LAMA5: variants seen among roughly 807,000 people sequenced by gnomAD.
LAMA5 encodes the protein laminin subunit alpha 5, also known as laminin subunit alpha-5.
Under a neutral mutation model 433.4 loss-of-function variants are expected in LAMA5, and 260 were observed. That is an observed-to-expected ratio of 0.60 (90% CI 0.54 to 0.66). The LOEUF (loss-of-function observed/expected upper bound fraction) is 0.66, where lower values mean the gene tolerates loss of function less well. Ranked by LOEUF, LAMA5 falls within the 30% of genes least tolerant of loss-of-function variation. The pLI is 0.00. For synonymous variants in LAMA5, 2,620 were observed against 2,226.6 expected, an observed-to-expected ratio of 1.18 and a Z score of -4.97; for missense variants, 5,378 against 5,258.5, an observed-to-expected ratio of 1.02 and a Z score of -0.70.
chr20:62,347,774 C>G (rs912374019), intron 6 of LAMA5, among the ~76,000 whole-genome samples: 1 of 152,202 alleles, frequency 6.6e-6, no homozygotes, highest in Non-Finnish European at 1.5e-5. Flanking sequence ...CAGGGCCGTG[C>G]GTTCCCTGAG....
intron 56 of LAMA5, 45 bp from the exon 57 acceptor site, chr20:62,316,818 G>A (rs780801490): frequency 1.2e-5 from 19 of 1,558,348 alleles, no homozygotes; most frequent in Middle Eastern, 3.9e-4. Flanking sequence ...GCAGGCCGGG[G>A]CTGCGGGAGG....
At chr20:62,330,976 G>T in intron 29 of LAMA5, 32 bp from the exon 30 acceptor site, 1 of 1,561,644 alleles carries the variant, frequency 6.4e-7, no homozygotes. Context: ...AGTCAGAGCC[G>T]GCCCTGCCGC....
At position 62,337,881 on chromosome 20, in the gene LAMA5, C is replaced by T; in HGVS notation, c.1949G>A (p.Cys650Tyr). The T allele has an allele frequency of 6.2e-7, 1 of 1,612,300 alleles. No individual in the cohort carries two copies. The highest frequency in any genetic ancestry group is 8.5e-7 in the Non-Finnish European group (1 of 1,179,770). Residue 650 changes from cysteine (C) to tyrosine (Y), a missense_variant, in exon 15 of 80, where the codon TGC becomes TAC. Coordinates refer to ENST00000252999, the MANE Select transcript of LAMA5 (RefSeq NM_005560.6). ...LDQLCGAGGL[C>Y]RCRPGYTGTA... Reference sequence around the variant, plus strand: ...GCCTGTGTAGCCGGGGCGGCAGCGGCACAAACCTCCCGCCCCACAGAGCTG... The same window carrying T: ...GCCTGTGTAGCCGGGGCGGCAGCGGTACAAACCTCCCGCCCCACAGAGCTG...
Position 62,323,820 on chromosome 20 carries a change from G to T in LAMA5, c.5805C>A (p.Thr1935=), listed in dbSNP as rs753626137. ...CATAACCAGGTTTGCAGAGGCACTG[G>T]GTGCGGCCGCCTCGCAGGACACAGC... ...AEGCVLRGGR[T]QCLCKPGYAG... The change falls in exon 44 of 80, where the codon ACC becomes ACA. Residue 1935 remains threonine, a synonymous_variant. Transcript: ENST00000252999. 3.5e-5 allele frequency: 56 copies of T among 1,610,326 alleles called. No homozygotes were observed. The highest frequency in any genetic ancestry group is 1.7e-6 in the Non-Finnish European group (2 of 1,178,918).
At chr20:62,319,256 CT>C in intron 51 of LAMA5, 1 of 557,442 alleles carries the variant, frequency 1.8e-6, no homozygotes. Flanking sequence ...GCTTCTGAGC[CT>C]TCTCGTCCTG....
At chr20:62,338,780 T>A (rs894718956) in intron 11 of LAMA5, among the ~76,000 whole-genome samples, 172 bp from the exon 12 acceptor site, 3 of 152,218 alleles carry the variant, frequency 2.0e-5, no homozygotes, top group African/African-American at 7.2e-5. Flanking sequence ...GGCTCACGCC[T>A]GTAATCCCAG....
chr20:62,340,760 C>T (rs982803340), intron 11 of LAMA5, among the ~76,000 whole-genome samples: 2 of 151,760 alleles, frequency 1.3e-5, no homozygotes, highest in Admixed American at 6.6e-5. Context: ...AACTGCCAGG[C>T]GCAGTGGCTC....
At chr20:62,315,535 G>A (rs1307625080) in intron 58 of LAMA5, among the ~76,000 whole-genome samples, 1 of 152,078 alleles carries the variant, frequency 6.6e-6, no homozygotes, top group African/African-American at 2.4e-5. Flanking sequence ...CTCAGAAACT[G>A]GGTGAGGCAC....
rs1333702072 is a variant in LAMA5, at chr20:62,327,685, C to A, written c.4798-16G>T. The stretch of plus-strand genomic sequence containing the variant: ...GCACGTTCTCCTAGGGATGAGAGGA[C>A]AGTGAGAGTGGTCGGCAGGTGCCAG... On this transcript the variant is annotated splice_polypyrimidine_tract_variant and intron_variant, in intron 36 of 79. Coordinates refer to ENST00000252999, the MANE Select transcript of LAMA5 (RefSeq NM_005560.6). 6.2e-7 allele frequency: 1 copy of A among 1,609,506 alleles called. No homozygotes were observed. Among genetic ancestry groups the A allele is most frequent in the Middle Eastern group, 1.7e-4 (1 of 6,032 alleles).
rs760063788 is a variant in LAMA5 at position 62,337,899 on chromosome 20, C to G, written c.1931G>C (p.Cys644Ser). ...GCAGCGGCACAAACCTCCCGCCCCA[C>G]AGAGCTGGTCCAGGGCTCCCCGAGG... ...CDPRGALDQL[C>S]GAGGLCRCRP... The change falls in exon 15 of 80, where the codon TGT (cysteine) becomes TCT (serine). Residue 644 changes from cysteine to serine, a missense_variant. Transcript: ENST00000252999. 3.7e-6 allele frequency: 6 copies of G among 1,612,042 alleles called. No individual in the cohort carries two copies. The highest frequency in any genetic ancestry group is 5.1e-6 in the Non-Finnish European group (6 of 1,179,628).
Position 62,346,190 on chromosome 20 carries a change from C to T in LAMA5, c.1308G>A (p.Thr436=), listed in dbSNP as rs141164486. Residue 436 remains threonine (T), a synonymous_variant, in exon 10 of 80, where the codon ACG becomes ACA. Coordinates refer to ENST00000252999, the MANE Select transcript of LAMA5 (RefSeq NM_005560.6). ...CCGTCAGGTCCTCGCAGGTGCCATC[C>T]GTGAAGTCGGACTCGCAGTTGCAGC... ...CRRCNCESDF[T]DGTCEDLTGR... The T allele has an allele frequency of 9.3e-6, 15 of 1,612,272 alleles. No individual in the cohort carries two copies. The highest frequency in any genetic ancestry group is 4.5e-5 in the East Asian group (2 of 44,832).
intron 20 of LAMA5, 110 bp from the exon 21 acceptor site, chr20:62,334,731 T>TCAGGGCC: frequency 1.7e-6 from 1 of 576,130 alleles, no homozygotes; most frequent in Non-Finnish European, 2.7e-6. Context: ...TGATGGAGAG[T>TCAGGGCC]CAGGGCTCAG....
intron 11 of LAMA5, among the ~76,000 whole-genome samples, chr20:62,339,742 C>T (rs533460561): frequency 4.9e-4 from 75 of 151,694 alleles, no homozygotes; most frequent in African/African-American, 1.8e-3. Context: ...GTAGCAAAAA[C>T]CAAAATCAAA....
chr20:62,329,959 G>A (rs765392190), intron 31 of LAMA5, 43 bp from the exon 32 acceptor site: 107 of 1,597,112 alleles, frequency 6.7e-5, no homozygotes, highest in Middle Eastern at 4.4e-4. Flanking sequence ...CATCTCTAGC[G>A]CCCCCAAGAC....
chr20:62,365,482 G>T (rs1053665126), intron 1 of LAMA5, among the ~76,000 whole-genome samples: 3 of 152,350 alleles, frequency 2.0e-5, no homozygotes, highest in Admixed American at 2.0e-4. Flanking sequence ...GTGGCCCCCA[G>T]CCACGCAGCA....
intron 11 of LAMA5, among the ~76,000 whole-genome samples, chr20:62,340,025 C>A (rs553476699): frequency 1.3e-4 from 19 of 151,996 alleles, no homozygotes; most frequent in African/African-American, 4.4e-4. Flanking sequence ...TGGACGCAAA[C>A]ACAGAGGAGT....
intron 2 of LAMA5, among the ~76,000 whole-genome samples, chr20:62,356,832 C>T (rs532274488): frequency 9.9e-5 from 15 of 151,954 alleles, no homozygotes; most frequent in African/African-American, 3.4e-4. Context: ...AAGGTTTGAG[C>T]GCCCTGGGAG....
Position 62,311,473 on chromosome 20 carries a change from C to G in LAMA5, c.9870G>C (p.Thr3290=), listed in dbSNP as rs772282556. The G allele has an allele frequency of 1.2e-5, 20 of 1,609,464 alleles. No homozygotes were observed. The highest frequency in any genetic ancestry group is 1.7e-5 in the Non-Finnish European group (20 of 1,178,460). ...QQNLGSVNVS[T]GCAPALQAQT... ...GGGCTTGCAGGGCGGGTGCACAGCC[C>G]GTGCTCACATTGACGCTGCCCAGGT... The change falls in exon 72 of 80, where the codon ACG becomes ACC. Residue 3290 remains threonine, a synonymous_variant. Transcript: ENST00000252999.
intron 70 of LAMA5, 50 bp from the exon 71 acceptor site, chr20:62,311,834 C>T: frequency 1.3e-6 from 2 of 1,556,844 alleles, no homozygotes; most frequent in South Asian, 2.4e-5. Context: ...CTGCCCACCC[C>T]CACCTCAGAG....
Sources: gnomAD v4.1 joint callset for allele counts (sites outside exome capture counted in the v4.1 genomes callset) on GRCh38, gnomAD v4.1.1 for gene constraint, MANE v1.5 for transcripts, NCBI Gene and HGNC (gene_info 2026-07-23, HGNC 2026-07-21) for gene names.